The following LIG1 variants were observed in gnomAD, a reference collection of about 807,000 sequenced individuals.
The protein encoded by LIG1 is ligase I, DNA, ATP-dependent.
A neutral mutation model predicts 115.7 loss-of-function variants in LIG1; 70 were observed. That is an observed-to-expected ratio of 0.60 (90% CI 0.50 to 0.74). The LOEUF (loss-of-function observed/expected upper bound fraction) is 0.74, where lower values mean the gene tolerates loss of function less well. LIG1 is among the 30% of genes least tolerant of loss of function. The pLI, the probability that LIG1 is intolerant of heterozygous loss-of-function variation, is 0.00. For synonymous variants in LIG1, 487 were observed against 495.3 expected (o/e 0.98, Z 0.22); for missense variants, 1,115 against 1,225.6 (o/e 0.91, Z 1.35).
At chr19:48,119,890 A>T (rs940530403) in intron 24 of LIG1, among the ~76,000 whole-genome samples, 2 of 152,138 alleles carry the variant, frequency 1.3e-5, no homozygotes, top group Admixed American at 6.6e-5. Context: ...CTACCAAAAT[A>T]GGAAAGGCTA....
At chr19:48,154,908 AT>A (rs2035741036) in intron 5 of LIG1, among the ~76,000 whole-genome samples, 1 of 151,548 alleles carries the variant, frequency 6.6e-6, no homozygotes, top group Non-Finnish European at 1.5e-5. Context: ...ATCCTACCTA[AT>A]CTCTCTCCAT....
chr19:48,157,268 A>G (rs949853481), intron 4 of LIG1, 128 bp from the exon 5 acceptor site: 13 of 1,044,224 alleles, frequency 1.2e-5, no homozygotes, highest in Non-Finnish European at 1.6e-5. Flanking sequence ...TCTCAGCCCT[A>G]ACTCAGGGGT....
intron 18 of LIG1, among the ~76,000 whole-genome samples, chr19:48,132,004 T>C (rs2034057136): frequency 1.3e-5 from 2 of 150,182 alleles, no homozygotes; most frequent in South Asian, 4.2e-4. Context: ...AGTGGCACGA[T>C]CTTGGCTCAC....
At position 48,143,973 on chromosome 19, in the gene LIG1, C is replaced by CA. The variant is rs781421358; in HGVS notation, c.777-11dup. On this transcript the variant is annotated splice_polypyrimidine_tract_variant and intron_variant, in intron 9 of 27. Transcript: ENST00000263274. ...AGATGGATCCAGGGGTCTACGGAGG[C>CA]AAAACGGAGATTGAATTGCATAGAG... 6.2e-7 allele frequency: 1 copy of CA among 1,605,754 alleles called. No homozygotes were observed. Among genetic ancestry groups the CA allele is most frequent in the Non-Finnish European group, 8.5e-7 (1 of 1,172,524 alleles).
chr19:48,166,115 G>A (rs1055864744), intron 1 of LIG1, among the ~76,000 whole-genome samples: 8 of 152,212 alleles, frequency 5.3e-5, no homozygotes, highest in African/African-American at 1.9e-4. Flanking sequence ...AAAGGCTATA[G>A]GTCAGGCACA....
At chr19:48,130,083 G>A (rs1437387423) in intron 19 of LIG1, among the ~76,000 whole-genome samples, 1 of 152,254 alleles carries the variant, frequency 6.6e-6, no homozygotes, top group African/African-American at 2.4e-5. Context: ...TGAGAATGTG[G>A]AAATATTTTA....
intron 19 of LIG1, among the ~76,000 whole-genome samples, chr19:48,128,364 C>T (rs1776063987): frequency 1.3e-5 from 2 of 152,170 alleles, no homozygotes; most frequent in African/African-American, 4.8e-5. Context: ...CTTCCCTGTC[C>T]TGCACCGATC....
intron 2 of LIG1, among the ~76,000 whole-genome samples, chr19:48,163,378 C>T (rs554771012): frequency 1.7e-4 from 26 of 152,194 alleles, no homozygotes; most frequent in African/African-American, 4.8e-4. Flanking sequence ...GCCGCCACCA[C>T]GCCCGGCTAA....
chr19:48,115,920 G>A lies in LIG1; in HGVS notation c.2629C>T (p.Arg877Ter), dbSNP rs760305891. The A allele has an allele frequency of 1.9e-6, 3 of 1,613,864 alleles. No homozygotes were observed. Among genetic ancestry groups the A allele is most frequent in the Non-Finnish European group, 1.7e-6 (2 of 1,180,020 alleles). Reference sequence around the variant, plus strand: ...TCCGGCTGCTTGTCTTCACGGACTCGAATAAACCGAGGGAAGCGAAGGGAG... The same window carrying A: ...TCCGGCTGCTTGTCTTCACGGACTCAAATAAACCGAGGGAAGCGAAGGGAG... ...GISLRFPRFI[R>*]VREDKQPEQA... Residue 877 changes from arginine to a stop codon, truncating the protein, a stop_gained, in exon 27 of 28, where the codon CGA becomes TGA. Transcript: ENST00000263274. LOFTEE classifies it high-confidence loss of function.
intron 7 of LIG1, among the ~76,000 whole-genome samples, chr19:48,150,714 G>T (rs2035416967): frequency 6.6e-6 from 1 of 152,072 alleles, no homozygotes; most frequent in African/African-American, 2.4e-5. Context: ...CTTTGTCTGA[G>T]GCGGGGGAGT....
intron 9 of LIG1, among the ~76,000 whole-genome samples, chr19:48,144,628 A>G (rs940459811): frequency 6.6e-6 from 1 of 151,896 alleles, no homozygotes; most frequent in Non-Finnish European, 1.5e-5. Context: ...CAGCCTCCCA[A>G]GTAACTGGGA....
In LIG1 at chr19:48,149,820, T is replaced by C. The variant is rs746121161; in HGVS notation, c.719A>G (p.Lys240Arg). 6.2e-7 allele frequency: 1 copy of C among 1,614,132 alleles called. No individual in the cohort carries two copies. Among genetic ancestry groups the C allele is most frequent in the Non-Finnish European group, 8.5e-7 (1 of 1,180,022 alleles). ...SFFTPRKPAV[K>R]KEVKEEEPGA... ...TGGCTCCTCTTCCTTCACTTCTTTT[T>C]TGACTGCTGGCTTCCGGGGGGCTAG... is the stretch of plus-strand genomic sequence containing the variant. Residue 240 changes from lysine (K) to arginine (R), a missense_variant, in exon 9 of 28, where the codon AAA (lysine) becomes AGA (arginine). By Grantham distance (26) the Lys-to-Arg change is conservative. Transcript: ENST00000263274.
intron 19 of LIG1, among the ~76,000 whole-genome samples, chr19:48,130,261 G>A (rs966773686): frequency 6.6e-6 from 1 of 152,190 alleles, no homozygotes; most frequent in East Asian, 1.9e-4. Context: ...CACGTGCACT[G>A]AACTGTGCCT....
chr19:48,142,076 C>T (rs991956851), intron 11 of LIG1, among the ~76,000 whole-genome samples: 1 of 152,006 alleles, frequency 6.6e-6, no homozygotes, highest in African/African-American at 2.4e-5. Context: ...CCGAGGCGGG[C>T]CGATCACTTG....
In LIG1 at chr19:48,137,803, T is replaced by G; in HGVS notation, c.1088-115A>C. Reference sequence around the variant, plus strand: ...GCTGTGTGTGCTTGTGGCGAGTCCCTGCACCTCCCTGTGTCTAACGCTCAC... The same window carrying G: ...GCTGTGTGTGCTTGTGGCGAGTCCCGGCACCTCCCTGTGTCTAACGCTCAC... On this transcript the variant is annotated intron_variant, in intron 12 of 27. Coordinates refer to ENST00000263274, the MANE Select transcript of LIG1 (RefSeq NM_000234.3). The surrounding 1 kb of genome is among the most constrained non-coding windows in gnomAD (Gnocchi z 4.3). The G allele has an allele frequency of 7.8e-7, 1 of 1,280,090 alleles. No individual in the cohort carries two copies. Among genetic ancestry groups the G allele is most frequent in the Non-Finnish European group, 1.1e-6 (1 of 915,410 alleles). The allele number at this position is 1,280,090 out of a possible 1,614,324, so 79.3% of individuals were successfully genotyped here.
chr19:48,165,446 C>T (rs1029480249), intron 2 of LIG1, 104 bp downstream of exon 2: 13 of 957,096 alleles, frequency 1.4e-5, no homozygotes, highest in Middle Eastern at 2.1e-4. Context: ...CAAAATCTAA[C>T]GTAAGAGTTT....
intron 12 of LIG1, among the ~76,000 whole-genome samples, chr19:48,138,989 T>C (rs1343336017): frequency 1.3e-5 from 2 of 152,146 alleles, no homozygotes; most frequent in Non-Finnish European, 2.9e-5. Flanking sequence ...CTCTGTCCTC[T>C]CATGAAAGCC....
intron 9 of LIG1, among the ~76,000 whole-genome samples, chr19:48,144,692 C>T (rs12104196): frequency 0.011 from 1,624 of 152,242 alleles, 23 homozygotes; most frequent in African/African-American, 0.037. Flanking sequence ...TCAGAAGAGA[C>T]GAGGTTTCAC....
At chr19:48,130,752 GT>G (rs910961043) in intron 19 of LIG1, among the ~76,000 whole-genome samples, 13 of 152,188 alleles carry the variant, frequency 8.5e-5, no homozygotes, top group Non-Finnish European at 1.8e-4. Context: ...AATGACATCT[GT>G]TTGGGAAACT....
Sources: gnomAD v4.1 joint callset for allele counts (sites outside exome capture counted in the v4.1 genomes callset) on GRCh38, gnomAD v4.1.1 for gene constraint, Gnocchi (gnomAD v3.1) non-coding constraint, MANE v1.5 for transcripts, NCBI Gene and HGNC (gene_info 2026-07-23, HGNC 2026-07-21) for gene names.